MKI67: variants seen among roughly 807,000 people sequenced by gnomAD.
MKI67 encodes the protein marker of proliferation Ki-67.
Under a neutral mutation model 233.5 loss-of-function variants are expected in MKI67, and 152 were observed. That is an observed-to-expected ratio of 0.65 (90% CI 0.57 to 0.74). The LOEUF is 0.74. MKI67 is among the 30% of genes least tolerant of loss of function. MKI67 has a pLI of 0.00. For missense variants in MKI67, 3,940 were observed against 3,885.2 expected, an observed-to-expected ratio of 1.01 and a Z score of -0.37; for synonymous variants, 1,465 against 1,418.5, an observed-to-expected ratio of 1.03 and a Z score of -0.74.
intron 13 of MKI67, among the ~76,000 whole-genome samples, chr10:128,102,080 G>T (rs919606154): frequency 2.0e-5 from 3 of 152,172 alleles, no homozygotes; most frequent in African/African-American, 7.2e-5. Context: ...GGCAGAACAG[G>T]AAATTGCCAT....
In MKI67 at chr10:128,115,970, G is replaced by A. The variant is rs1234863927; in HGVS notation, c.438C>T (p.Ile146=). 1 of 1,606,530 alleles carries A rather than the reference G, an allele frequency of 6.2e-7. No individual in the cohort carries two copies. Among genetic ancestry groups the A allele is most frequent in the Non-Finnish European group, 8.5e-7 (1 of 1,178,218 alleles). ...GATTTCCTGAAACTTTTCCTTCAGTGATTTTTGAATAGGCCTTGGAATCTT... is the reference window on the plus strand; with the variant it reads ...GATTTCCTGAAACTTTTCCTTCAGTAATTTTTGAATAGGCCTTGGAATCTT... ...KAQDSKAYSK[I]TEGKVSGNPQ... Residue 146 remains isoleucine (I), a synonymous_variant, in exon 7 of 15, where the codon ATC becomes ATT. Coordinates refer to ENST00000368654, the MANE Select transcript of MKI67 (RefSeq NM_002417.5).
In MKI67 at chr10:128,108,654, G is replaced by A. The variant is rs1852588346; in HGVS notation, c.3186C>T (p.Gly1062=). 1 of 1,614,112 alleles carries A rather than the reference G, an allele frequency of 6.2e-7. No individual in the cohort carries two copies. The highest frequency in any genetic ancestry group is 8.5e-7 in the Non-Finnish European group (1 of 1,180,012). ...THTHREPAGD[G]KSIRTFKESP... ...ACTCCTTAAACGTTCTGATGCTCTT[G>A]CCATCTCCTGCTGGCTCTCTGTGCG... The change falls in exon 13 of 15, where the codon GGC becomes GGT. Residue 1062 remains glycine, a synonymous_variant. Coordinates refer to ENST00000368654, the MANE Select transcript of MKI67 (RefSeq NM_002417.5).
Position 128,103,462 on chromosome 10 carries a change from C to A in MKI67, c.8378G>T (p.Ser2793Ile). ...SRRRPRAPRE[S>I]AQAIEDLAGF... ...AGCTAGGTCTTCTATGGCTTGGGCA[C>A]TTTCCCTGGGTGCTCTTGGCCGTCT... Residue 2793 changes from serine (S) to isoleucine (I), a missense_variant, in exon 13 of 15, where the codon AGT (serine) becomes ATT (isoleucine). Coordinates refer to ENST00000368654, the MANE Select transcript of MKI67 (RefSeq NM_002417.5). The A allele has an allele frequency of 6.2e-7, 1 of 1,611,980 alleles. No homozygotes were observed.
At position 128,104,932 on chromosome 10, in the gene MKI67, G is replaced by A. The variant is rs751792363; in HGVS notation, c.6908C>T (p.Pro2303Leu). The change falls in exon 13 of 15, where the codon CCA (proline) becomes CTA (leucine). Residue 2303 changes from proline (P) to leucine (L), a missense_variant. By Grantham distance (98) the Pro-to-Leu change is moderately conservative. Transcript: ENST00000368654. ...PGNLPGSKRW[P>L]QTPKEKAQAL... ...CTGGGCCTTTTCCTTAGGAGTTTGT[G>A]GCCATCTTTTGCTGCCAGGTAAATT... The A allele has an allele frequency of 5.6e-6, 9 of 1,612,372 alleles. No individual in the cohort carries two copies. The South Asian group carries it at 9.9e-5, about 18-fold the overall frequency.
At chr10:128,120,033 A>G (rs917299323) in intron 4 of MKI67, among the ~76,000 whole-genome samples, 18 of 152,218 alleles carry the variant, frequency 1.2e-4, no homozygotes, top group Admixed American at 2.6e-4. Context: ...AAGCAGTCAC[A>G]CATCTGATAT....
Position 128,106,403 on chromosome 10 carries a change from G to A in MKI67, c.5437C>T (p.Pro1813Ser). ...VQKLDQPGNL[P>S]GSNRRLQTRK... ...GTTTGTAGCCGTCTATTGCTGCCAG[G>A]TAAATTTCCTGGCTGGTCCAGTTTC... The change falls in exon 13 of 15, where the codon CCT (proline) becomes TCT (serine). Residue 1813 changes from proline (P) to serine (S), a missense_variant. By Grantham distance (74) the Pro-to-Ser change is moderately conservative (BLOSUM62 -1). Coordinates refer to ENST00000368654, the MANE Select transcript of MKI67 (RefSeq NM_002417.5). 1.2e-6 allele frequency: 2 copies of A among 1,613,154 alleles called. No homozygotes were observed. Among genetic ancestry groups the A allele is most frequent in the Non-Finnish European group, 1.7e-6 (2 of 1,179,836 alleles).
intron 14 of MKI67, among the ~76,000 whole-genome samples, chr10:128,099,981 T>C (rs1005388014): frequency 6.6e-6 from 1 of 152,170 alleles, no homozygotes; most frequent in African/African-American, 2.4e-5. Context: ...CTTTCACCCT[T>C]CTTTGGTTTC....
Position 128,107,651 on chromosome 10 carries a change from T to C in MKI67, c.4189A>G (p.Lys1397Glu). 6.2e-7 allele frequency: 1 copy of C among 1,614,052 alleles called. No individual in the cohort carries two copies. The highest frequency in any genetic ancestry group is 8.5e-7 in the Non-Finnish European group (1 of 1,180,026). Residue 1397 changes from lysine to glutamate, a missense_variant, in exon 13 of 15, where the codon AAA becomes GAA. By Grantham distance (56) the Lys-to-Glu change is moderately conservative (BLOSUM62 1). Transcript: ENST00000368654. ...GAGAGCTCCTTCTGTACGTCCCTTT[T>C]CTCCAAAGGTGTCTTGGGCTGCCTT... ...TRRQPKTPLEKRDVQKELSAL... is the reference protein window; with the variant it reads ...TRRQPKTPLEERDVQKELSAL...
rs145369286 is a variant in MKI67, at chr10:128,116,279, T to A, written c.400+212A>T. Among the ~76,000 whole-genome samples the A allele has an allele frequency of 3.3e-4, 50 of 152,356 alleles. 3 individuals carry two copies. The highest frequency in any genetic ancestry group is 2.9e-5 in the Non-Finnish European group (2 of 68,046). ...GTTGACAGCTGAACAGGCAATTTTC[T>A]CATATCTAGAGTCTCTCCTAAGCAT... is the stretch of plus-strand genomic sequence containing the variant. On this transcript the variant is annotated intron_variant, in intron 6 of 14. Transcript: ENST00000368654.
At chr10:128,099,557 T>C (rs938671266) in intron 14 of MKI67, among the ~76,000 whole-genome samples, 1 of 152,232 alleles carries the variant, frequency 6.6e-6, no homozygotes, top group African/African-American at 2.4e-5. Flanking sequence ...GCACACATTT[T>C]CACAAACTAA....
chr10:128,109,892 C>T (rs149971650), intron 12 of MKI67, among the ~76,000 whole-genome samples: 4 of 152,190 alleles, frequency 2.6e-5, no homozygotes, highest in Non-Finnish European at 5.9e-5. Flanking sequence ...CCCTCTGTGA[C>T]AGGAATACAG....
At chr10:128,121,425 C>G (rs1338787167) in intron 4 of MKI67, among the ~76,000 whole-genome samples, 2 of 130,716 alleles carry the variant, frequency 1.5e-5, no homozygotes, top group Non-Finnish European at 3.2e-5. Flanking sequence ...ATTATATATA[C>G]CATATAGTAT....
Position 128,106,419 on chromosome 10 carries a change from GTCCAGTT to G in MKI67, c.5414_5420del (p.Lys1805ThrfsTer23). The stretch of plus-strand genomic sequence containing the variant: ...TGCTGCCAGGTAAATTTCCTGGCTG[GTCCAGTT>G]TCTGCACTGGAGTTCCCAAAAACGT... On this transcript the variant is annotated frameshift_variant, in exon 13 of 15. Coordinates refer to ENST00000368654, the MANE Select transcript of MKI67 (RefSeq NM_002417.5). LOFTEE classifies it high-confidence loss of function. 6.2e-7 allele frequency: 1 copy of G among 1,613,044 alleles called. No individual in the cohort carries two copies. Among genetic ancestry groups the G allele is most frequent in the Non-Finnish European group, 8.5e-7 (1 of 1,179,870 alleles).
chr10:128,105,302 G>T lies in MKI67; in HGVS notation c.6538C>A (p.Gln2180Lys), dbSNP rs777705520. The change falls in exon 13 of 15, where the codon CAG becomes AAG. Residue 2180 changes from glutamine (Q) to lysine (K), a missense_variant. Gln to Lys is a moderately conservative substitution (Grantham distance 53). Coordinates refer to ENST00000368654, the MANE Select transcript of MKI67 (RefSeq NM_002417.5). ...PAASVTGSKR[Q>K]PRTPKGKAQP... ...GCTTTTCCCTTAGGAGTTCTTGGCT[G>T]CCTCTTGCTACCAGTTACACTTGCT... is the stretch of plus-strand genomic sequence containing the variant. The T allele has an allele frequency of 1.2e-6, 2 of 1,614,064 alleles. No homozygotes were observed. Among genetic ancestry groups the T allele is most frequent in the Non-Finnish European group, 1.7e-6 (2 of 1,180,026 alleles).
At position 128,108,314 on chromosome 10, in the gene MKI67, T is replaced by A; in HGVS notation, c.3526A>T (p.Thr1176Ser). The change falls in exon 13 of 15, where the codon ACG becomes TCG. Residue 1176 changes from threonine (T) to serine (S), a missense_variant. Physicochemically the swap from Thr to Ser is moderately conservative, Grantham distance 58. Coordinates refer to ENST00000368654, the MANE Select transcript of MKI67 (RefSeq NM_002417.5). ...LTPSAGKAMLTPKPAGGDEKD... is the reference protein window; with the variant it reads ...LTPSAGKAMLSPKPAGGDEKD... Reference sequence around the variant, plus strand: ...TCATCACCTCCTGCTGGTTTGGGCGTAAGCATGGCTTTCCCTGCTGATGGT... The same window carrying A: ...TCATCACCTCCTGCTGGTTTGGGCGAAAGCATGGCTTTCCCTGCTGATGGT... The A allele has an allele frequency of 1.2e-6, 2 of 1,614,158 alleles. No homozygotes were observed. Among genetic ancestry groups the A allele is most frequent in the South Asian group, 2.2e-5 (2 of 91,088 alleles).
chr10:128,125,627 CCGCTCCTTTTGAT>C lies in MKI67; in HGVS notation c.28_40del (p.Ile10GlyfsTer9). 6.2e-7 allele frequency: 1 copy of C among 1,613,770 alleles called. No homozygotes were observed. Among genetic ancestry groups the C allele is most frequent in the Admixed American group, 1.7e-5 (1 of 60,000 alleles). ...CAGGGGAAAGTGGGGACCGTCGACC[CCGCTCCTTTTGAT>C]AGTAACCAGGCGTCTCGTGGGCCAC... On this transcript the variant is annotated frameshift_variant, in exon 2 of 15. Coordinates refer to ENST00000368654, the MANE Select transcript of MKI67 (RefSeq NM_002417.5). LOFTEE classifies it high-confidence loss of function. This position sits in a 1 kb window ranked among gnomAD's most constrained non-coding sequence, Gnocchi z 5.3.
At position 128,102,573 on chromosome 10, in the gene MKI67, T is replaced by C. The variant is rs1305564596; in HGVS notation, c.9261+6A>G. 2 of 1,612,030 alleles carry C rather than the reference T, an allele frequency of 1.2e-6. No individual in the cohort carries two copies. Among genetic ancestry groups the C allele is most frequent in the East Asian group, 2.2e-5 (1 of 44,858 alleles). On this transcript the variant is annotated splice_donor_region_variant and intron_variant, in intron 13 of 14. Coordinates refer to ENST00000368654, the MANE Select transcript of MKI67 (RefSeq NM_002417.5). Reference sequence around the variant, plus strand: ...TATTGAGTGATGCTGTAATACTTCCTCTCACCTTATTTTCAGGGACCGAGT... The same window carrying C: ...TATTGAGTGATGCTGTAATACTTCCCCTCACCTTATTTTCAGGGACCGAGT...
intron 5 of MKI67, among the ~76,000 whole-genome samples, chr10:128,117,720 G>A (rs1465877481): frequency 6.6e-6 from 1 of 152,138 alleles, no homozygotes; most frequent in Non-Finnish European, 1.5e-5. Flanking sequence ...ATCTGAAGTG[G>A]AACAAGAATC....
intron 12 of MKI67, 23 bp from the exon 13 acceptor site, chr10:128,109,446 A>G (rs1350938304): frequency 6.3e-7 from 1 of 1,589,964 alleles, no homozygotes; most frequent in African/African-American, 1.4e-5. Context: ...CATACACAAT[A>G]AAAACATTCT....
Sources: gnomAD v4.1 joint callset for allele counts (sites outside exome capture counted in the v4.1 genomes callset) on GRCh38, gnomAD v4.1.1 for gene constraint, Gnocchi (gnomAD v3.1) non-coding constraint, MANE v1.5 for transcripts, NCBI Gene and HGNC (gene_info 2026-07-23, HGNC 2026-07-21) for gene names.